ADAM28: variants seen among roughly 807,000 people sequenced by gnomAD.
ADAM28 encodes the protein disintegrin and metalloproteinase domain-containing protein 28.
A neutral mutation model predicts 101.2 loss-of-function variants in ADAM28; 105 were observed. That is an observed-to-expected ratio of 1.04 (90% CI 0.89 to 1.22). The LOEUF (loss-of-function observed/expected upper bound fraction) is 1.22, where lower values mean the gene tolerates loss of function less well. Ranked by LOEUF, ADAM28 falls within the 50% of genes most tolerant of loss-of-function variation. The pLI is 0.00. For synonymous variants in ADAM28, 322 were observed against 310.6 expected, an observed-to-expected ratio of 1.04 and a Z score of -0.39; for missense variants, 1,028 against 945.4, an observed-to-expected ratio of 1.09 and a Z score of -1.15.
At chr8:24,341,828 CGGTTAT>C (rs1297830292) in intron 16 of ADAM28, 71 bp downstream of exon 16, 11 of 1,591,910 alleles carry the variant, frequency 6.9e-6, no homozygotes, top group Non-Finnish European at 9.5e-6. Flanking sequence ...TTTTGCCCCT[CGGTTAT>C]TCACTATGTG....
At chr8:24,341,910 C>G (rs1814819054) in intron 16 of ADAM28, among the ~76,000 whole-genome samples, 153 bp downstream of exon 16, 1 of 152,122 alleles carries the variant, frequency 6.6e-6, no homozygotes, top group Non-Finnish European at 1.5e-5. Flanking sequence ...ATTTGGAACA[C>G]AGAAATGAAA....
chr8:24,340,449 G>C (rs766095301), intron 15 of ADAM28, among the ~76,000 whole-genome samples: 4 of 152,124 alleles, frequency 2.6e-5, no homozygotes, highest in African/African-American at 4.8e-5. Flanking sequence ...TATGTAAAAG[G>C]CAGTATGTGA....
At chr8:24,314,709 A>G (rs12544276) in intron 6 of ADAM28, among the ~76,000 whole-genome samples, 28 of 151,958 alleles carry the variant, frequency 1.8e-4, no homozygotes, top group Non-Finnish European at 3.7e-4. Flanking sequence ...CTAGTATGAC[A>G]CTTAAAAATC....
At chr8:24,353,384 C>T (rs1022625268) in intron 21 of ADAM28, among the ~76,000 whole-genome samples, 1 of 151,970 alleles carries the variant, frequency 6.6e-6, no homozygotes. Context: ...TTTTCTTGTG[C>T]CTGGTATTCT....
In ADAM28 at chr8:24,310,232, A is replaced by T. The variant is rs1233556590; in HGVS notation, c.297A>T (p.Pro99=). 2 of 1,612,888 alleles carry T rather than the reference A, an allele frequency of 1.2e-6. No homozygotes were observed. The highest frequency in any genetic ancestry group is 1.7e-6 in the Non-Finnish European group (2 of 1,179,136). Residue 99 remains proline (P), a synonymous_variant, in exon 4 of 23, where the codon CCA becomes CCT. Transcript: ENST00000265769. ...NSTGKEITTS[P]QIMDDCYYQG... The stretch of plus-strand genomic sequence containing the variant: ...CTGGAAAGGAGATCACCACAAGCCC[A>T]CAAATTATGGTATAACGGAGTCTCT...
intron 10 of ADAM28, among the ~76,000 whole-genome samples, chr8:24,329,007 CAA>C (rs1812997181): frequency 6.6e-6 from 1 of 151,822 alleles, no homozygotes; most frequent in South Asian, 2.1e-4. Flanking sequence ...AAAAATCATT[CAA>C]GTTAGGAAAA....
intron 18 of ADAM28, among the ~76,000 whole-genome samples, chr8:24,348,004 T>C (rs757024554): frequency 6.6e-6 from 1 of 152,124 alleles, no homozygotes; most frequent in Non-Finnish European, 1.5e-5. Flanking sequence ...ACTGAGGAAC[T>C]TAGTCCGTTT....
chr8:24,345,109 C>T (rs2129332441), intron 18 of ADAM28, among the ~76,000 whole-genome samples: 1 of 149,512 alleles, frequency 6.7e-6, no homozygotes, highest in Admixed American at 6.7e-5. Context: ...GTTTGTTTTG[C>T]TTAAATGCTT....
chr8:24,351,190 G>C, intron 19 of ADAM28, 42 bp from the exon 20 acceptor site: 1 of 1,429,658 alleles, frequency 7.0e-7, no homozygotes, highest in Non-Finnish European at 9.4e-7. Flanking sequence ...CATGCTGAAG[G>C]AGCTGCTAAG....
rs143182993 is a variant in ADAM28 at position 24,341,361 on chromosome 8, G to A, written c.1671-237G>A. 2.7e-3 allele frequency: 1,049 copies of A among 381,906 alleles called. 3 individuals are homozygous for A. The highest frequency in any genetic ancestry group is 0.018 in the South Asian group (213 of 12,028). 23.7% of individuals were successfully genotyped at this position (381,906 alleles called of 1,614,324 possible). ...TTTTCTTCTCATGGGCCAGCACTTC[G>A]GCAACTGGCAAAAATTAGGTGTACA... On this transcript the variant is annotated intron_variant, in intron 15 of 22. Coordinates refer to ENST00000265769, the MANE Select transcript of ADAM28 (RefSeq NM_014265.6).
At chr8:24,339,367 C>T (rs1276365254) in intron 14 of ADAM28, 99 bp from the exon 15 acceptor site, 15 of 841,894 alleles carry the variant, frequency 1.8e-5, no homozygotes, top group South Asian at 1.4e-4. Flanking sequence ...TTTTATAAAT[C>T]GCTTTCCAGC....
chr8:24,352,943 T>G (rs1420137073), intron 21 of ADAM28, among the ~76,000 whole-genome samples: 1 of 152,144 alleles, frequency 6.6e-6, no homozygotes, highest in Non-Finnish European at 1.5e-5. Flanking sequence ...AGATAGTCAT[T>G]GGTGAATTTT....
chr8:24,314,457 A>G (rs1396539075), intron 6 of ADAM28, among the ~76,000 whole-genome samples: 2 of 152,022 alleles, frequency 1.3e-5, no homozygotes, highest in Non-Finnish European at 2.9e-5. Context: ...ATCTTTGTTG[A>G]CCTTACTTTT....
intron 4 of ADAM28, 150 bp from the exon 5 acceptor site, chr8:24,311,211 T>C (rs2129266619): frequency 1.8e-6 from 1 of 558,338 alleles, no homozygotes; most frequent in African/African-American, 1.9e-5. Flanking sequence ...TGAAAGATTT[T>C]AATTATTTTT....
intron 9 of ADAM28, among the ~76,000 whole-genome samples, 181 bp downstream of exon 9, chr8:24,324,184 A>G (rs1812251057): frequency 6.6e-6 from 1 of 151,882 alleles, no homozygotes; most frequent in African/African-American, 2.4e-5. Context: ...GAGAGGGTCA[A>G]TAATTTGGCA....
At chr8:24,313,253 A>G (rs1235265715) in intron 5 of ADAM28, 135 bp from the exon 6 acceptor site, 1 of 747,248 alleles carries the variant, frequency 1.3e-6, no homozygotes. Context: ...GTTTTACTGT[A>G]TTTTATTGCC....
chr8:24,330,374 G>A (rs186946086), intron 11 of ADAM28, among the ~76,000 whole-genome samples: 37 of 152,116 alleles, frequency 2.4e-4, no homozygotes, highest in Middle Eastern at 3.4e-3. Context: ...CAGAAAAATC[G>A]TTAGCATTTA....
intron 6 of ADAM28, among the ~76,000 whole-genome samples, chr8:24,316,107 G>A (rs1811129306): frequency 6.6e-6 from 1 of 151,132 alleles, no homozygotes; most frequent in South Asian, 2.1e-4. Flanking sequence ...TTTTTTAGCA[G>A]TCAAATATAC....
intron 22 of ADAM28, 62 bp from the exon 23 acceptor site, chr8:24,354,322 A>ATAATAGTAAATATCTAAATTT: frequency 1.4e-6 from 2 of 1,379,810 alleles, no homozygotes; most frequent in Non-Finnish European, 2.0e-6. Context: ...GTTCAGCTTC[A>ATAATAGTAAATATCTAAATTT]TAATAGTAAA....
Sources: gnomAD v4.1 joint callset for allele counts (sites outside exome capture counted in the v4.1 genomes callset) on GRCh38, gnomAD v4.1.1 for gene constraint, MANE v1.5 for transcripts, NCBI Gene and HGNC (gene_info 2026-07-23, HGNC 2026-07-21) for gene names.